Variants in CD2AP observed in about 807,000 individuals in gnomAD.
CD2AP encodes CD2-associated protein.
In CD2AP, 46 loss-of-function variants were observed where a neutral mutation model predicts 85.1. The observed-to-expected ratio is 0.54, with a 90% CI of 0.43 to 0.69. The LOEUF (loss-of-function observed/expected upper bound fraction) is 0.69. Ranked by LOEUF, CD2AP falls within the 30% of genes least tolerant of loss-of-function variation. CD2AP has a pLI of 0.00. For missense variants in CD2AP, 769 were observed against 729.5 expected (o/e 1.05, Z -0.62); for synonymous variants, 255 against 252.9 (o/e 1.01, Z -0.08).
At chr6:47,621,250 T>C (rs527713179) in intron 17 of CD2AP, among the ~76,000 whole-genome samples, 1 of 152,336 alleles carries the variant, frequency 6.6e-6, no homozygotes, top group African/African-American at 2.4e-5. Context: ...GTTTTAATCA[T>C]AAAGGGATGC....
At chr6:47,550,425 A>G (rs979944034) in intron 4 of CD2AP, among the ~76,000 whole-genome samples, 4 of 152,206 alleles carry the variant, frequency 2.6e-5, no homozygotes, top group South Asian at 2.1e-4. Context: ...AAGATATGCA[A>G]TGGCCAACAA....
chr6:47,543,698 G>A (rs1208099985), intron 3 of CD2AP, among the ~76,000 whole-genome samples: 1 of 152,202 alleles, frequency 6.6e-6, no homozygotes, highest in African/African-American at 2.4e-5. Context: ...TCATTAGGGT[G>A]TTACCCTTAG....
chr6:47,543,715 A>G (rs551484612), intron 3 of CD2AP, among the ~76,000 whole-genome samples: 1 of 152,316 alleles, frequency 6.6e-6, no homozygotes, highest in East Asian at 1.9e-4. Flanking sequence ...TTAGGACCTC[A>G]TTTAACCCTA....
At chr6:47,563,617 T>G (rs566458171) in intron 5 of CD2AP, among the ~76,000 whole-genome samples, 70 of 152,300 alleles carry the variant, frequency 4.6e-4, no homozygotes, top group Middle Eastern at 3.4e-3. Context: ...CTACCATATA[T>G]TCGTTGTGGA....
At chr6:47,540,542 CTCCT>C (rs1562023037) in intron 3 of CD2AP, among the ~76,000 whole-genome samples, 1 of 151,984 alleles carries the variant, frequency 6.6e-6, no homozygotes, top group Non-Finnish European at 1.5e-5. Flanking sequence ...TCTAATGTGA[CTCCT>C]TCCTTTGATT....
chr6:47,550,037 C>G (rs541168354), intron 4 of CD2AP, among the ~76,000 whole-genome samples: 2 of 152,226 alleles, frequency 1.3e-5, no homozygotes, highest in East Asian at 3.9e-4. Context: ...ATCCTCATCT[C>G]TCACCTTATA....
chr6:47,531,667 T>A (rs1469135473), intron 2 of CD2AP, among the ~76,000 whole-genome samples: 1 of 151,938 alleles, frequency 6.6e-6, no homozygotes, highest in African/African-American at 2.4e-5. Flanking sequence ...TGTTCCACAT[T>A]GATTTTTAAA....
chr6:47,484,047 C>A (rs571602179), intron 1 of CD2AP, among the ~76,000 whole-genome samples: 1 of 152,172 alleles, frequency 6.6e-6, no homozygotes, highest in Admixed American at 6.5e-5. Context: ...ATTAGAAAGA[C>A]CTTTTTTGTT....
At chr6:47,505,793 G>GT in intron 2 of CD2AP, among the ~76,000 whole-genome samples, 1 of 101,978 alleles carries the variant, frequency 9.8e-6, no homozygotes, top group Admixed American at 8.3e-5. Context: ...GGCTGGCCGG[G>GT]CGGGGGGCTG....
rs1375273345 is a variant in CD2AP at position 47,579,394 on chromosome 6, G to A, written c.913G>A (p.Glu305Lys). ...CTATTTTGCTTTTTAGGAGACTGGA[G>A]AAGCTGGCTGGTGGAGGGGCGAACT... ...IIHLISKETG[E>K]AGWWRGELNG... Residue 305 changes from glutamate to lysine, a missense_variant, in exon 9 of 18, where the codon GAA becomes AAA. Coordinates refer to ENST00000359314, the MANE Select transcript of CD2AP (RefSeq NM_012120.3). The A allele has an allele frequency of 2.5e-6, 4 of 1,603,334 alleles. No individual in the cohort carries two copies. The highest frequency in any genetic ancestry group is 4.5e-5 in the East Asian group (2 of 44,800).
chr6:47,539,581 A>G (rs950600973), intron 3 of CD2AP, among the ~76,000 whole-genome samples: 4 of 152,230 alleles, frequency 2.6e-5, no homozygotes. Flanking sequence ...CCAGAAATGG[A>G]TATAATTTTA....
intron 1 of CD2AP, among the ~76,000 whole-genome samples, chr6:47,489,794 C>T (rs1200598666): frequency 6.6e-6 from 1 of 152,040 alleles, no homozygotes; most frequent in East Asian, 1.9e-4. Flanking sequence ...AAAACTCGTC[C>T]TCTTAATTAT....
intron 2 of CD2AP, among the ~76,000 whole-genome samples, chr6:47,520,507 T>G (rs1047752870): frequency 1.3e-5 from 2 of 152,144 alleles, no homozygotes; most frequent in African/African-American, 4.8e-5. Flanking sequence ...TGGCCTCCGC[T>G]GACAGCAGGG....
At chr6:47,488,442 TTAA>T (rs567476751) in intron 1 of CD2AP, among the ~76,000 whole-genome samples, 113 of 152,258 alleles carry the variant, frequency 7.4e-4, no homozygotes, top group African/African-American at 2.0e-3. Context: ...GAAATTAATT[TTAA>T]TAATATTTTG....
At chr6:47,570,735 T>A (rs1582573033) in intron 5 of CD2AP, among the ~76,000 whole-genome samples, 2 of 152,146 alleles carry the variant, frequency 1.3e-5, no homozygotes, top group East Asian at 3.9e-4. Context: ...TCCTGTGAAG[T>A]TCCCCATTTT....
At chr6:47,574,286 C>T in intron 6 of CD2AP, 35 bp downstream of exon 6, 1 of 1,547,008 alleles carries the variant, frequency 6.5e-7, no homozygotes, top group East Asian at 2.2e-5. Flanking sequence ...TAACTCCACT[C>T]ATTCTCTCAT....
chr6:47,602,611 G>T (rs888379064), intron 13 of CD2AP, among the ~76,000 whole-genome samples: 4 of 151,850 alleles, frequency 2.6e-5, no homozygotes, highest in African/African-American at 9.7e-5. Context: ...TCATGCCTGT[G>T]ATCACAGCAC....
chr6:47,608,114 G>GA, intron 15 of CD2AP, 86 bp downstream of exon 15: 1 of 944,388 alleles, frequency 1.1e-6, no homozygotes, highest in Non-Finnish European at 1.7e-6. Context: ...TGTTCTTTAG[G>GA]ACGAATTATT....
chr6:47,541,002 G>A (rs537606369), intron 3 of CD2AP, among the ~76,000 whole-genome samples: 1 of 152,120 alleles, frequency 6.6e-6, no homozygotes, highest in Non-Finnish European at 1.5e-5. Flanking sequence ...CCTATAGCAC[G>A]CAAAAAACTA....
Sources: gnomAD v4.1 joint callset for allele counts (sites outside exome capture counted in the v4.1 genomes callset) on GRCh38, gnomAD v4.1.1 for gene constraint, MANE v1.5 for transcripts, NCBI Gene and HGNC (gene_info 2026-07-23, HGNC 2026-07-21) for gene names.